ESRRG: variants seen among roughly 807,000 people sequenced by gnomAD.
ESRRG encodes estrogen related receptor gamma.
Under a neutral mutation model 44.0 loss-of-function variants are expected in ESRRG, and 13 were observed. The ratio of observed to expected loss-of-function variants is 0.30; its 90% CI spans 0.19 to 0.47. The LOEUF (loss-of-function observed/expected upper bound fraction) is 0.47. Among genes scored for constraint, ESRRG ranks in the 20% least tolerant of loss-of-function variants. ESRRG has a pLI of 1.00. For missense variants in ESRRG, 395 were observed against 580.6 expected, an observed-to-expected ratio of 0.68 and a Z score of 3.29; for synonymous variants, 215 against 214.6, an observed-to-expected ratio of 1.00 and a Z score of -0.02.
chr1:216,768,081 G>T (rs1305466335), intron 2 of ESRRG, among the ~76,000 whole-genome samples: 3 of 152,070 alleles, frequency 2.0e-5, no homozygotes, highest in African/African-American at 7.2e-5. Flanking sequence ...CCAAAATCCT[G>T]AAAGGAAGGG....
At chr1:216,636,903 C>T (rs2065407030) in intron 3 of ESRRG, among the ~76,000 whole-genome samples, 1 of 152,212 alleles carries the variant, frequency 6.6e-6, no homozygotes, top group Non-Finnish European at 1.5e-5. Flanking sequence ...TTCTTAGGCA[C>T]CCAGGGTTTG....
chr1:217,066,646 G>T (rs1274954668), intron 1 of ESRRG, among the ~76,000 whole-genome samples: 2 of 152,218 alleles, frequency 1.3e-5, no homozygotes, highest in African/African-American at 4.8e-5. Context: ...AGTGTCTAGA[G>T]CAGGGCTTCT....
At chr1:216,649,239 T>C (rs2068356544) in intron 3 of ESRRG, among the ~76,000 whole-genome samples, 1 of 152,140 alleles carries the variant, frequency 6.6e-6, no homozygotes, top group Non-Finnish European at 1.5e-5. Flanking sequence ...GAATAGTGCC[T>C]GGAACATGGG....
intron 1 of ESRRG, among the ~76,000 whole-genome samples, chr1:217,001,032 G>A (rs978046538): frequency 6.6e-6 from 1 of 152,174 alleles, no homozygotes; most frequent in Admixed American, 6.5e-5. Flanking sequence ...CATAAGCTAA[G>A]ACCATCATAA....
At chr1:216,908,387 T>C (rs2059919237) in intron 2 of ESRRG, among the ~76,000 whole-genome samples, 1 of 152,154 alleles carries the variant, frequency 6.6e-6, no homozygotes. Flanking sequence ...CCCTCAGACG[T>C]CAGGGCTAGG....
At chr1:216,620,531 G>T (rs1406843007) in intron 3 of ESRRG, among the ~76,000 whole-genome samples, 1 of 152,116 alleles carries the variant, frequency 6.6e-6, no homozygotes, top group Non-Finnish European at 1.5e-5. Flanking sequence ...CCTATAAAAA[G>T]AATTAATGAG....
At chr1:216,816,582 T>C (rs1206917298) in intron 2 of ESRRG, among the ~76,000 whole-genome samples, 1 of 152,148 alleles carries the variant, frequency 6.6e-6, no homozygotes, top group African/African-American at 2.4e-5. Flanking sequence ...CTTTAACATA[T>C]CTGGAATAGA....
chr1:216,525,656 A>G (rs1460039024), intron 5 of ESRRG, among the ~76,000 whole-genome samples: 1 of 152,186 alleles, frequency 6.6e-6, no homozygotes, highest in African/African-American at 2.4e-5. Context: ...AATGCCATAT[A>G]ATATAGGACT....
rs925044369 is a variant in ESRRG at position 217,002,466 on chromosome 1, T to G, written c.-105-62793A>C. 3.3e-5 allele frequency among the ~76,000 whole-genome samples: 5 copies of G among 152,200 alleles called. No individual in the cohort carries two copies. The South Asian group carries it at 8.3e-4, about 25-fold the overall frequency. Reference sequence around the variant, plus strand: ...TACTCATTAAAATTAAGGAGTTGATTCTGACAGTTATCTATAAAATTACAC... The same window carrying G: ...TACTCATTAAAATTAAGGAGTTGATGCTGACAGTTATCTATAAAATTACAC... On this transcript the variant is annotated intron_variant, in intron 1 of 7. Coordinates refer to the ESRRG transcript ENST00000359162.
chr1:216,912,143 A>G lies in ESRRG; in HGVS notation c.-14+27439T>C, dbSNP rs1421479337. Among the ~76,000 whole-genome samples the G allele has an allele frequency of 8.4e-3, 253 of 30,028 alleles. 1 individual carries two copies. The highest frequency in any genetic ancestry group is 0.016 in the Middle Eastern group (1 of 64). The allele number at this position is 30,028 out of a possible 152,430, so 19.7% of individuals were successfully genotyped here. A position where few individuals can be genotyped will look rare whatever the true frequency, so the allele number is the denominator to read the frequency against. ...AAGAAAAGAAAAGAAAAGAAAAGAAAAGAAAAGAAAAGAAAAGAAAAGAAA... is the reference window on the plus strand; with the variant it reads ...AAGAAAAGAAAAGAAAAGAAAAGAAGAGAAAAGAAAAGAAAAGAAAAGAAA... On this transcript the variant is annotated intron_variant, in intron 2 of 7. Coordinates refer to the ESRRG transcript ENST00000359162.
intron 1 of ESRRG, among the ~76,000 whole-genome samples, chr1:216,683,182 T>C (rs143355028): frequency 6.6e-6 from 1 of 152,298 alleles, no homozygotes; most frequent in Non-Finnish European, 1.5e-5. Flanking sequence ...AGAAAGGATT[T>C]TTTCTTTTAA....
chr1:217,053,885 C>T, intron 1 of ESRRG, among the ~76,000 whole-genome samples: 1 of 152,042 alleles, frequency 6.6e-6, no homozygotes. Flanking sequence ...CATGGTGGGT[C>T]CCAATGGCAC....
chr1:216,951,311 G>A (rs1050988401), intron 1 of ESRRG, among the ~76,000 whole-genome samples: 6 of 152,094 alleles, frequency 3.9e-5, no homozygotes, highest in Admixed American at 2.6e-4. Flanking sequence ...TTATAGCATG[G>A]AACATAAACA....
chr1:217,071,158 T>A (rs2090506157), intron 1 of ESRRG, among the ~76,000 whole-genome samples: 1 of 152,228 alleles, frequency 6.6e-6, no homozygotes, highest in Non-Finnish European at 1.5e-5. Context: ...ATTAAATTGC[T>A]TTTTATTGTG....
At chr1:216,724,700 T>C (rs1049116319), upstream of ESRRG, among the ~76,000 whole-genome samples, 1 of 152,158 alleles carries the variant, frequency 6.6e-6, no homozygotes, top group Non-Finnish European at 1.5e-5. Context: ...AAGGAGGATA[T>C]AAGAGGACAA....
In ESRRG at chr1:216,912,170, GAAAAGAAAAGAAA is replaced by G. The variant is rs1260708588; in HGVS notation, c.-14+27399_-14+27411del. Among the ~76,000 whole-genome samples the G allele has an allele frequency of 1.0e-2, 281 of 28,176 alleles. 23 individuals are homozygous for G. The highest frequency in any genetic ancestry group is 0.013 in the Non-Finnish European group (218 of 17,058). The allele number at this position is 28,176 out of a possible 152,430, so 18.5% of individuals were successfully genotyped here. On this transcript the variant is annotated intron_variant, in intron 2 of 7. Transcript: ENST00000359162. Reference sequence around the variant, plus strand: ...GAAAAGAAAAGAAAAGAAAAGAAAAGAAAAGAAAAGAAAAGGAGAGGAGAGGAGAGGAGAGGAG... The same window carrying G: ...GAAAAGAAAAGAAAAGAAAAGAAAAGAGGAGAGGAGAGGAGAGGAGAGGAG...
At chr1:216,513,326 T>C (rs1376121118) in intron 6 of ESRRG, among the ~76,000 whole-genome samples, 1 of 152,148 alleles carries the variant, frequency 6.6e-6, no homozygotes, top group African/African-American at 2.4e-5. Flanking sequence ...AAGGAAGCCT[T>C]TCACATATCA....
At chr1:216,671,926 C>G (rs1575089345) in intron 2 of ESRRG, among the ~76,000 whole-genome samples, 2 of 151,602 alleles carry the variant, frequency 1.3e-5, no homozygotes, top group East Asian at 3.9e-4. Flanking sequence ...TTGGGTATTA[C>G]TTATACTTGG....
At chr1:216,673,966 G>A (rs1481386802) in intron 2 of ESRRG, among the ~76,000 whole-genome samples, 2 of 152,198 alleles carry the variant, frequency 1.3e-5, no homozygotes, top group African/African-American at 4.8e-5. Context: ...ATAAATGGGA[G>A]TGGTTTTCAC....
Sources: gnomAD v4.1 joint callset for allele counts (sites outside exome capture counted in the v4.1 genomes callset) on GRCh38, gnomAD v4.1.1 for gene constraint, MANE v1.5 for transcripts, NCBI Gene and HGNC (gene_info 2026-07-23, HGNC 2026-07-21) for gene names.